TTC27: variants seen among roughly 807,000 people sequenced by gnomAD.
TTC27 encodes tetratricopeptide repeat domain 27.
In TTC27, 79 loss-of-function variants were observed where a neutral mutation model predicts 115.9. That is an observed-to-expected ratio of 0.68 (90% CI 0.57 to 0.82). TTC27 has a LOEUF of 0.82. TTC27 is among the 40% of genes least tolerant of loss of function. The pLI, the probability that TTC27 is intolerant of heterozygous loss-of-function variation, is 0.00. For synonymous variants in TTC27, 401 were observed against 356.0 expected (o/e 1.13, Z -1.42); for missense variants, 1,054 against 993.1 (o/e 1.06, Z -0.82).
chr2:32,684,258 C>A (rs1211409748), intron 9 of TTC27, among the ~76,000 whole-genome samples: 1 of 152,080 alleles, frequency 6.6e-6, no homozygotes, highest in Admixed American at 6.6e-5. Flanking sequence ...ATGAACTCAT[C>A]ATTTTTTATG....
chr2:32,666,751 CAGGAACATTTAACCA>C lies in TTC27; in HGVS notation c.926_939+1del. ...TGAATTCACTCCAGCACCCACTCCT[CAGGAACATTTAACCA>C]AGGCAAGTAGGACATTAAGTTATTA... On this transcript the variant is annotated inframe_deletion and splice_region_variant, in exon 7 of 20. Coordinates refer to ENST00000317907, the MANE Select transcript of TTC27 (RefSeq NM_017735.5). 6.2e-7 allele frequency: 1 copy of C among 1,612,836 alleles called. No individual in the cohort carries two copies. Among genetic ancestry groups the C allele is most frequent in the Non-Finnish European group, 8.5e-7 (1 of 1,179,376 alleles).
chr2:32,663,738 G>A (rs1665649732), intron 5 of TTC27, among the ~76,000 whole-genome samples: 1 of 152,128 alleles, frequency 6.6e-6, no homozygotes, highest in African/African-American at 2.4e-5. Context: ...AGGCTGGAGT[G>A]CAGTGGTGCG....
At chr2:32,630,431 C>G (rs879198792) in intron 1 of TTC27, 92 bp from the exon 2 acceptor site, 2 of 990,466 alleles carry the variant, frequency 2.0e-6, no homozygotes, top group South Asian at 3.5e-5. Context: ...TGTTTTTGCA[C>G]ACTAAAATGG....
At chr2:32,781,044 A>T (rs1320581668) in intron 14 of TTC27, among the ~76,000 whole-genome samples, 2 of 152,216 alleles carry the variant, frequency 1.3e-5, no homozygotes, top group African/African-American at 4.8e-5. Flanking sequence ...TGAGAAATTC[A>T]TTGGCACTTA....
chr2:32,686,909 A>G (rs543347605), intron 9 of TTC27, among the ~76,000 whole-genome samples: 43 of 152,154 alleles, frequency 2.8e-4, no homozygotes, highest in African/African-American at 1.0e-3. Context: ...CAATGGCACA[A>G]TCTTGGCTCA....
chr2:32,769,724 A>G (rs1486444336), intron 13 of TTC27, among the ~76,000 whole-genome samples: 1 of 152,226 alleles, frequency 6.6e-6, no homozygotes, highest in African/African-American at 2.4e-5. Context: ...GAACATTAAC[A>G]TTATAATAGC....
At chr2:32,633,757 T>C in intron 2 of TTC27, 119 bp from the exon 3 acceptor site, 1 of 1,200,394 alleles carries the variant, frequency 8.3e-7, no homozygotes, top group Non-Finnish European at 1.1e-6. Context: ...TACTCTAGGA[T>C]AGTCTCAATA....
At chr2:32,728,996 TACAC>T (rs35764233) in intron 10 of TTC27, among the ~76,000 whole-genome samples, 86,229 of 150,756 alleles carry the variant, frequency 0.57, 26,418 homozygotes, top group East Asian at 0.77. Flanking sequence ...CATCTTCCTA[TACAC>T]ACACACACAC....
At chr2:32,728,522 T>C (rs745543748) in intron 10 of TTC27, among the ~76,000 whole-genome samples, 1 of 152,202 alleles carries the variant, frequency 6.6e-6, no homozygotes, top group Non-Finnish European at 1.5e-5. Flanking sequence ...CCCATATTTT[T>C]GGATTTATGT....
At position 32,736,750 on chromosome 2, in the gene TTC27, A is replaced by G; in HGVS notation, c.1386A>G (p.Ile462Met). 3.1e-6 allele frequency: 5 copies of G among 1,614,066 alleles called. No individual in the cohort carries two copies. Among genetic ancestry groups the G allele is most frequent in the Non-Finnish European group, 4.2e-6 (5 of 1,179,966 alleles). Residue 462 changes from isoleucine (I) to methionine (M), a missense_variant, in exon 12 of 20, where the codon ATA becomes ATG. Ile to Met is a conservative substitution (Grantham distance 10). Coordinates refer to ENST00000317907, the MANE Select transcript of TTC27 (RefSeq NM_017735.5). ...ELGCTSSALQ[I>M]FEKLEMWEDV... ...GATGTACCAGTTCAGCCCTTCAGAT[A>G]TTTGAAAAGCTAGAAATGTGGGAAG...
intron 12 of TTC27, among the ~76,000 whole-genome samples, chr2:32,751,479 T>C (rs1669013195): frequency 1.3e-5 from 2 of 152,068 alleles, no homozygotes; most frequent in Admixed American, 6.5e-5. Context: ...GCTCAATATA[T>C]CTAATTCACT....
At chr2:32,645,372 A>G (rs1238982335) in intron 4 of TTC27, among the ~76,000 whole-genome samples, 2 of 152,188 alleles carry the variant, frequency 1.3e-5, no homozygotes, top group Admixed American at 6.5e-5. Context: ...GTGTCTTGTG[A>G]GTATACTACT....
intron 12 of TTC27, among the ~76,000 whole-genome samples, chr2:32,751,010 T>C (rs561013298): frequency 2.6e-5 from 4 of 152,264 alleles, no homozygotes; most frequent in African/African-American, 7.2e-5. Context: ...TGAGGCAAGA[T>C]AGGACAAGCA....
intron 13 of TTC27, 72 bp downstream of exon 13, chr2:32,758,591 G>A: frequency 4.3e-6 from 6 of 1,407,320 alleles, no homozygotes; most frequent in Non-Finnish European, 5.9e-6. Flanking sequence ...TACAGAATGA[G>A]TACCCATTTT....
At chr2:32,755,033 C>G (rs532647233) in intron 12 of TTC27, among the ~76,000 whole-genome samples, 1 of 151,004 alleles carries the variant, frequency 6.6e-6, no homozygotes, top group African/African-American at 2.4e-5. Flanking sequence ...GGGCGGCTGC[C>G]GGGTGGAGGG....
chr2:32,646,867 T>C (rs971785204), intron 4 of TTC27, among the ~76,000 whole-genome samples: 1 of 151,920 alleles, frequency 6.6e-6, no homozygotes, highest in African/African-American at 2.4e-5. Flanking sequence ...CCGGCCTCTA[T>C]ATTTGTTTTA....
At chr2:32,635,873 T>A (rs1261219370) in intron 3 of TTC27, among the ~76,000 whole-genome samples, 2 of 152,108 alleles carry the variant, frequency 1.3e-5, no homozygotes, top group Non-Finnish European at 2.9e-5. Flanking sequence ...TTCATTAGAG[T>A]AATTTTAATC....
At chr2:32,694,014 G>A (rs1441597014) in intron 9 of TTC27, among the ~76,000 whole-genome samples, 3 of 152,274 alleles carry the variant, frequency 2.0e-5, no homozygotes, top group Non-Finnish European at 4.4e-5. Flanking sequence ...ATTCTGGTTA[G>A]AACCACCGTT....
chr2:32,806,059 G>A (rs1051674827), intron 16 of TTC27, among the ~76,000 whole-genome samples: 1 of 152,086 alleles, frequency 6.6e-6, no homozygotes, highest in African/African-American at 2.4e-5. Flanking sequence ...GCTATATCTT[G>A]GGTCCTGTTT....
Sources: allele counts gnomAD v4.1 joint callset (sites outside exome capture counted in the v4.1 genomes callset), GRCh38; gene constraint gnomAD v4.1.1; transcripts MANE v1.5; gene names NCBI Gene and HGNC (gene_info 2026-07-23, HGNC 2026-07-21).